PDLIM2: variants seen among roughly 807,000 people sequenced by gnomAD.
PDLIM2 encodes PDZ and LIM domain protein 2.
Under a neutral mutation model 54.1 loss-of-function variants are expected in PDLIM2, and 51 were observed. That is an observed-to-expected ratio of 0.94 (90% CI 0.75 to 1.19). The LOEUF (loss-of-function observed/expected upper bound fraction) is 1.19, where lower values mean the gene tolerates loss of function less well. Among genes scored for constraint, PDLIM2 ranks in the 50% most tolerant of loss-of-function variants. PDLIM2 has a pLI of 0.00. For synonymous variants in PDLIM2, 398 were observed against 385.6 expected (o/e 1.03, Z -0.38); for missense variants, 912 against 874.0 (o/e 1.04, Z -0.55).
At chr8:22,589,556 G>T in intron 7 of PDLIM2, 40 bp from the exon 7 acceptor site, 1 of 1,573,742 alleles carries the variant, frequency 6.4e-7, no homozygotes, top group East Asian at 2.3e-5. Context: ...CCTAAGCTCC[G>T]GCACGGGACC....
At chr8:22,592,038 C>CATTTTTCTT (rs11282127) in intron 9 of PDLIM2, 51,936 of 146,324 alleles carry the variant, frequency 0.35, 9,853 homozygotes, top group African/African-American at 0.45. Flanking sequence ...GATGTGGGCT[C>CATTTTTCTT]ATTTTTCTTA....
intron 6 of PDLIM2, chr8:22,587,667 C>T (rs1800417549): frequency 1.3e-5 from 2 of 152,252 alleles, no homozygotes; most frequent in Admixed American, 1.3e-4. Context: ...TCGCTAACCC[C>T]TAACCGCCTG....
chr8:22,585,524 C>T, intron 6 of PDLIM2, 125 bp downstream of exon 5: 1 of 924,322 alleles, frequency 1.1e-6, no homozygotes, highest in South Asian at 1.6e-5. Flanking sequence ...CTTCTCCTGG[C>T]CACAGGCATG....
exon 1 of PDLIM2, chr8:22,579,317 G>T (rs1385771866): frequency 2.8e-6 from 4 of 1,423,822 alleles, no homozygotes; most frequent in Non-Finnish European, 3.6e-6. Context: ...CCCTGGCCTC[G>T]TCCGCGGCCC....
Position 22,581,376 on chromosome 8 carries a change from C to T in PDLIM2, c.844-3C>T, listed in dbSNP as rs762201637. Reference sequence around the variant, plus strand: ...TGAGCATGCCAGCTCCTCATCCCTACAGGTGGCCGAGCGGGGCAAAGCCAA... The same window carrying T: ...TGAGCATGCCAGCTCCTCATCCCTATAGGTGGCCGAGCGGGGCAAAGCCAA... On this transcript the variant is annotated splice_polypyrimidine_tract_variant and splice_region_variant and intron_variant, in intron 2 of 9. Transcript: ENST00000308354. 7 of 1,596,260 alleles carry T rather than the reference C, an allele frequency of 4.4e-6. No individual in the cohort carries two copies. Among genetic ancestry groups the T allele is most frequent in the Non-Finnish European group, 6.0e-6 (7 of 1,173,052 alleles).
chr8:22,593,943 G>A (rs1263726310), exon 10 of PDLIM2: 1 of 1,541,672 alleles, frequency 6.5e-7, no homozygotes, highest in Non-Finnish European at 8.7e-7. Context: ...CTCACTGCTG[G>A]GCCAGGGTCA....
At position 22,584,896 on chromosome 8, in the gene PDLIM2, C is replaced by T; in HGVS notation, c.1065+6C>T. Reference sequence around the variant, plus strand: ...TGCTGGCGACTCGCTTCCAGGTAAGCTGGTGCCCTCCCCTGACAGCCTCAG... The same window carrying T: ...TGCTGGCGACTCGCTTCCAGGTAAGTTGGTGCCCTCCCCTGACAGCCTCAG... On this transcript the variant is annotated splice_donor_region_variant and intron_variant, in intron 4 of 9. Transcript: ENST00000308354. 1 of 1,614,120 alleles carries T rather than the reference C, an allele frequency of 6.2e-7. No homozygotes were observed. Among genetic ancestry groups the T allele is most frequent in the Non-Finnish European group, 8.5e-7 (1 of 1,179,990 alleles).
At chr8:22,584,016 G>A (rs1162664112) in intron 3 of PDLIM2, among the ~76,000 whole-genome samples, 2 of 151,532 alleles carry the variant, frequency 1.3e-5, no homozygotes, top group South Asian at 2.1e-4. Flanking sequence ...TGTTACTGTC[G>A]TTTGAGATGG....
chr8:22,582,578 A>ATTTTTT (rs778664391), intron 3 of PDLIM2, among the ~76,000 whole-genome samples: 1 of 126,044 alleles, frequency 7.9e-6, no homozygotes, highest in Non-Finnish European at 1.7e-5. Flanking sequence ...CAGTCTCTTA[A>ATTTTTT]TTTTTTTTTT....
At chr8:22,585,201 C>T (rs1450602281) in intron 5 of PDLIM2, 39 bp downstream of exon 4, 2 of 1,608,310 alleles carry the variant, frequency 1.2e-6, no homozygotes, top group South Asian at 2.2e-5. Context: ...GTCGCCTGCG[C>T]TGCCAGCTCC....
At chr8:22,581,607 T>C in intron 3 of PDLIM2, 77 bp downstream of exon 2, 1 of 1,477,658 alleles carries the variant, frequency 6.8e-7, no homozygotes, top group East Asian at 2.4e-5. Context: ...CCCTTGCTCC[T>C]GCCCATGGGC....
chr8:22,587,549 C>G (rs1008400113), intron 6 of PDLIM2, among the ~76,000 whole-genome samples: 1 of 152,268 alleles, frequency 6.6e-6, no homozygotes, highest in South Asian at 2.1e-4. Flanking sequence ...CGTTCCCCAG[C>G]ACACATTTCG....
intron 2 of PDLIM2, 135 bp from the exon 2 acceptor site, chr8:22,581,244 G>A: frequency 2.6e-6 from 3 of 1,146,548 alleles, no homozygotes; most frequent in Non-Finnish European, 3.7e-6. Context: ...GGTGTCATGA[G>A]CAGGCAGAGG....
exon 3 of PDLIM2, chr8:22,581,459 G>A (rs1168920157): frequency 1.9e-6 from 3 of 1,607,616 alleles, no homozygotes; most frequent in Admixed American, 1.7e-5. Flanking sequence ...AAAGCGCGGA[G>A]GGCATGCTGC....
At chr8:22,585,200 G>A (rs150452484) in intron 5 of PDLIM2, 38 bp downstream of exon 4, 111 of 1,608,350 alleles carry the variant, frequency 6.9e-5, no homozygotes, top group Middle Eastern at 6.6e-4. Context: ...GGTCGCCTGC[G>A]CTGCCAGCTC....
At position 22,590,214 on chromosome 8, in the gene PDLIM2, G is replaced by A. The variant is rs544946296; in HGVS notation, c.1513+473G>A. On this transcript the variant is annotated intron_variant, in intron 8 of 9. Transcript: ENST00000308354. ...TGGGGGCCTGATAGCATGAAAGGGC[G>A]CCAGTGGAGGCCAAGCCCCTGCAGT... 4.2e-5 allele frequency: 7 copies of A among 165,248 alleles called. No homozygotes were observed. The East Asian group carries it at 5.4e-4, about 13-fold the overall frequency. The allele number at this position is 165,248 out of a possible 1,614,324, so 10.2% of individuals were successfully genotyped here. A position where few individuals can be genotyped will look rare whatever the true frequency, so the allele number is the denominator to read the frequency against.
chr8:22,578,914 T>C, exon 1 of PDLIM2: 1 of 1,238,004 alleles, frequency 8.1e-7, no homozygotes, highest in Non-Finnish European at 1.0e-6. Flanking sequence ...TTGCGGGCGC[T>C]CCGGGGAGGA....
chr8:22,579,802 T>G, intron 1 of PDLIM2: 1 of 382,980 alleles, frequency 2.6e-6, no homozygotes, highest in Non-Finnish European at 4.7e-6. Flanking sequence ...CACAGGGGTC[T>G]GTCTGCAAGG....
At chr8:22,580,486 T>G in intron 1 of PDLIM2, 1 of 1,568,780 alleles carries the variant, frequency 6.4e-7, no homozygotes, top group Non-Finnish European at 8.6e-7. Context: ...CCTGAGTAGC[T>G]GCTCCGGGAG....
Sources: allele counts gnomAD v4.1 joint callset (sites outside exome capture counted in the v4.1 genomes callset), GRCh38; gene constraint gnomAD v4.1.1; transcripts MANE v1.5; gene names NCBI Gene and HGNC (gene_info 2026-07-23, HGNC 2026-07-21).